INTU: variants seen among roughly 807,000 people sequenced by gnomAD.
INTU encodes protein inturned.
A neutral mutation model predicts 100.5 loss-of-function variants in INTU; 68 were observed. The ratio of observed to expected loss-of-function variants is 0.68; its 90% CI spans 0.56 to 0.83. The LOEUF is 0.83. Among genes scored for constraint, INTU ranks in the 40% least tolerant of loss-of-function variants. The pLI, the probability that INTU is intolerant of heterozygous loss-of-function variation, is 0.00. For synonymous variants in INTU, 357 were observed against 395.7 expected (o/e 0.90, Z 1.16); for missense variants, 1,071 against 1,114.7 (o/e 0.96, Z 0.56).
intron 1 of INTU, among the ~76,000 whole-genome samples, chr4:127,637,616 C>T (rs1727129745): frequency 6.6e-6 from 1 of 152,184 alleles, no homozygotes; most frequent in African/African-American, 2.4e-5. Flanking sequence ...CCATCCTGTA[C>T]TCTAGTCCTA....
chr4:127,673,376 G>A (rs144382925), intron 5 of INTU, among the ~76,000 whole-genome samples: 2,163 of 148,410 alleles, frequency 0.015, 34 homozygotes, highest in Non-Finnish European at 0.022. Flanking sequence ...TAAGAGATGC[G>A]GTCTTACTTT....
chr4:127,685,504 C>T (rs1391721697), intron 7 of INTU: 1 of 454,898 alleles, frequency 2.2e-6, no homozygotes, highest in Admixed American at 2.4e-5. Context: ...GCAGTGTTCT[C>T]TAGAGGAACT....
chr4:127,639,656 CAT>C (rs1727223370), intron 1 of INTU, among the ~76,000 whole-genome samples: 1 of 152,020 alleles, frequency 6.6e-6, no homozygotes, highest in Non-Finnish European at 1.5e-5. Flanking sequence ...AATAATTACA[CAT>C]ATTTGTGGAG....
intron 13 of INTU, among the ~76,000 whole-genome samples, chr4:127,710,124 G>A (rs1475146388): frequency 6.6e-6 from 1 of 151,946 alleles, no homozygotes; most frequent in Non-Finnish European, 1.5e-5. Context: ...TCTAGTAAAA[G>A]GAGACTCTTT....
At chr4:127,671,624 A>G (rs1459945085) in intron 5 of INTU, among the ~76,000 whole-genome samples, 1 of 152,124 alleles carries the variant, frequency 6.6e-6, no homozygotes, top group Non-Finnish European at 1.5e-5. Flanking sequence ...ATATAACCAA[A>G]GGAAAAGAAA....
intron 2 of INTU, among the ~76,000 whole-genome samples, chr4:127,654,776 C>G (rs1284825506): frequency 6.8e-6 from 1 of 146,778 alleles, no homozygotes; most frequent in Non-Finnish European, 1.5e-5. Flanking sequence ...GCCTGCCTTG[C>G]TAGATTGGGG....
chr4:127,652,171 A>T (rs1315394319), intron 2 of INTU, among the ~76,000 whole-genome samples: 1 of 126,104 alleles, frequency 7.9e-6, no homozygotes, highest in South Asian at 2.9e-4. Flanking sequence ...GCAAACAGGG[A>T]CAATTTGACT....
At chr4:127,684,127 T>C (rs1481859274) in intron 6 of INTU, among the ~76,000 whole-genome samples, 1 of 152,218 alleles carries the variant, frequency 6.6e-6, no homozygotes, top group African/African-American at 2.4e-5. Flanking sequence ...GCTTGGTGAC[T>C]ACTGGCCTCA....
rs1050876050 is a variant in INTU, at chr4:127,711,463, G to A, written c.2559+361G>A. Among the ~76,000 whole-genome samples, 4 of 152,060 alleles carry A rather than the reference G, an allele frequency of 2.6e-5. No homozygotes were observed. The South Asian group carries it at 8.3e-4, about 32-fold the overall frequency. ...CCTAAAATAACTCTGATAATTCTTT[G>A]AGTATTTAGCCAATAGTATAGGGAT... On this transcript the variant is annotated intron_variant, in intron 14 of 15. Coordinates refer to ENST00000335251, the MANE Select transcript of INTU (RefSeq NM_015693.4).
In INTU at chr4:127,633,096, C is replaced by A; in HGVS notation, c.62C>A (p.Ser21Tyr). The A allele has an allele frequency of 6.2e-7, 1 of 1,614,096 alleles. No individual in the cohort carries two copies. The highest frequency in any genetic ancestry group is 8.5e-7 in the Non-Finnish European group (1 of 1,179,950). The change falls in exon 1 of 16, where the codon TCT becomes TAT. Residue 21 changes from serine to tyrosine, a missense_variant. Coordinates refer to ENST00000335251, the MANE Select transcript of INTU (RefSeq NM_015693.4). ...PSSDELPGDP[S>Y]SQEEDEDYDF... ...TCAGACGAGCTCCCTGGAGACCCCT[C>A]TTCACAAGAAGAAGATGAGGACTAT...
At chr4:127,666,014 G>A (rs1209363859) in intron 4 of INTU, among the ~76,000 whole-genome samples, 1 of 152,110 alleles carries the variant, frequency 6.6e-6, no homozygotes. Flanking sequence ...CTGTTAAGAA[G>A]TCTACTGTCA....
intron 1 of INTU, among the ~76,000 whole-genome samples, chr4:127,633,693 A>G (rs553771655): frequency 6.6e-6 from 1 of 152,234 alleles, no homozygotes; most frequent in East Asian, 1.9e-4. Context: ...ATCAAGGACA[A>G]CCTCTCAGCA....
Position 127,687,708 on chromosome 4 carries a change from T to C in INTU, c.1290T>C (p.Arg430=). The C allele has an allele frequency of 6.2e-7, 1 of 1,612,542 alleles. No homozygotes were observed. The highest frequency in any genetic ancestry group is 8.5e-7 in the Non-Finnish European group (1 of 1,178,848). The part of the protein sequence containing the change: ...SAFCQIENVP[R]LDHFFNLFFQ... ...TTTGCCAGATTGAGAATGTTCCTCG[T>C]TTGGATCATTTTTTTAACTTGTTCT... Residue 430 remains arginine, a synonymous_variant, in exon 8 of 16, where the codon CGT becomes CGC. Coordinates refer to ENST00000335251, the MANE Select transcript of INTU (RefSeq NM_015693.4).
rs909014914 is a variant in INTU, at chr4:127,725,450, G to A, written c.*9014G>A. ...CTTTGGTTAAAACAATTTATTAAAT[G>A]TCTTAAATTTCTGGATATGTCCCTG... On this transcript the variant is annotated 3_prime_UTR_variant, in exon 16 of 16. Transcript: ENST00000335251. The A allele has an allele frequency of 3.3e-5, 5 of 152,196 alleles. No homozygotes were observed. The highest frequency in any genetic ancestry group is 5.9e-5 in the Non-Finnish European group (4 of 68,036). The allele number at this position is 152,196 out of a possible 1,614,324, so 9.4% of individuals were successfully genotyped here. A position where few individuals can be genotyped will look rare whatever the true frequency, so the allele number is the denominator to read the frequency against.
In INTU at chr4:127,691,609, C is replaced by T. The variant is rs7655966; in HGVS notation, c.1449+3742C>T. On this transcript the variant is annotated intron_variant, in intron 8 of 15. Transcript: ENST00000335251. ...GCCTTTGGCCCATTTTTTTTTAATT[C>T]GGTAGGTTTTTGGGGAACAGGTGGT... Among the ~76,000 whole-genome samples, 1,037 of 151,210 alleles carry T rather than the reference C, an allele frequency of 6.9e-3. 12 individuals are homozygous for T. Among genetic ancestry groups the T allele is most frequent in the African/African-American group, 0.024 (992 of 41,252 alleles).
rs755225425 is a variant in INTU at position 127,713,993 on chromosome 4, C to T, written c.2617C>T (p.Leu873Phe). The change falls in exon 15 of 16, where the codon CTT (leucine) becomes TTT (phenylalanine). Residue 873 changes from leucine (L) to phenylalanine (F), a missense_variant. Leu to Phe is a conservative substitution (Grantham distance 22). Coordinates refer to ENST00000335251, the MANE Select transcript of INTU (RefSeq NM_015693.4). ...HSDSAKSVSSLNPVKEHGVLF... is the reference protein window; with the variant it reads ...HSDSAKSVSSFNPVKEHGVLF... ...AGATTCTGCAAAGTCAGTGTCTTCT[C>T]TTAACCCTGTTAAAGAACATGGTGT... 12 of 1,612,878 alleles carry T rather than the reference C, an allele frequency of 7.4e-6. No homozygotes were observed. The highest frequency in any genetic ancestry group is 9.3e-6 in the Non-Finnish European group (11 of 1,179,212).
chr4:127,651,058 TG>T (rs1727844145), intron 2 of INTU, among the ~76,000 whole-genome samples: 1 of 152,156 alleles, frequency 6.6e-6, no homozygotes, highest in African/African-American at 2.4e-5. Flanking sequence ...CACTTTTTGA[TG>T]GGGTTGTTTG....
chr4:127,642,187 A>G (rs1027746011), intron 1 of INTU, among the ~76,000 whole-genome samples: 1 of 152,206 alleles, frequency 6.6e-6, no homozygotes, highest in African/African-American at 2.4e-5. Context: ...TTAAATATTG[A>G]TTCTGTGGGT....
At position 127,718,648 on chromosome 4, in the gene INTU, C is replaced by G. The variant is rs533491653; in HGVS notation, c.*2212C>G. ...ATATTTTTCCATTTGTTTGTGTCCT[C>G]TCTGGTTTCCTTGAGCCGTGGTTTG... On this transcript the variant is annotated 3_prime_UTR_variant, in exon 16 of 16. Transcript: ENST00000335251. 6.6e-6 allele frequency: 1 copy of G among 152,266 alleles called. No homozygotes were observed. Among genetic ancestry groups the G allele is most frequent in the Non-Finnish European group, 1.5e-5 (1 of 68,040 alleles). 9.4% of individuals were successfully genotyped at this position (152,266 alleles called of 1,614,324 possible).
Sources: gnomAD v4.1 joint callset for allele counts (sites outside exome capture counted in the v4.1 genomes callset) on GRCh38, gnomAD v4.1.1 for gene constraint, MANE v1.5 for transcripts, NCBI Gene and HGNC (gene_info 2026-07-23, HGNC 2026-07-21) for gene names.